Variants in TPST1 observed in about 807,000 individuals in gnomAD.
TPST1 encodes the protein protein-tyrosine sulfotransferase 1.
TPST1 carries 20 observed loss-of-function variants against 34.8 expected under a neutral mutation model. The observed-to-expected ratio is 0.57, with a 90% confidence interval of 0.40 to 0.84. The LOEUF is 0.84. TPST1 is among the 40% of genes least tolerant of loss of function. The pLI is 0.00. For synonymous variants in TPST1, 152 were observed against 159.4 expected (o/e 0.95, Z 0.35); for missense variants, 353 against 455.5 (o/e 0.78, Z 2.05).
At chr7:66,282,885 C>G (rs1790960134) in intron 2 of TPST1, among the ~76,000 whole-genome samples, 1 of 152,188 alleles carries the variant, frequency 6.6e-6, no homozygotes, top group South Asian at 2.1e-4. Context: ...AAGTGCAACA[C>G]TGAGTAAACA....
chr7:66,216,358 A>T (rs1225846573), intron 1 of TPST1, among the ~76,000 whole-genome samples: 1 of 147,860 alleles, frequency 6.8e-6, no homozygotes, highest in Non-Finnish European at 1.5e-5. Context: ...TGATCTTTTC[A>T]AAGAACCAGT....
At chr7:66,228,564 G>A (rs1414286280) in intron 1 of TPST1, among the ~76,000 whole-genome samples, 1 of 152,064 alleles carries the variant, frequency 6.6e-6, no homozygotes, top group Non-Finnish European at 1.5e-5. Context: ...TGTATAAATG[G>A]TTGAAATGAA....
At chr7:66,322,129 T>C (rs1791769103) in intron 3 of TPST1, among the ~76,000 whole-genome samples, 2 of 152,244 alleles carry the variant, frequency 1.3e-5, no homozygotes, top group South Asian at 4.1e-4. Context: ...ATAAATCTTT[T>C]TTCCAATTCA....
At chr7:66,345,097 A>G (rs1230168311) in intron 3 of TPST1, among the ~76,000 whole-genome samples, 1 of 152,144 alleles carries the variant, frequency 6.6e-6, no homozygotes, top group East Asian at 1.9e-4. Flanking sequence ...AGAGGAAAAG[A>G]GAGAAAGGAA....
intron 1 of TPST1, among the ~76,000 whole-genome samples, chr7:66,235,278 C>T (rs1015753388): frequency 2.6e-5 from 4 of 151,658 alleles, no homozygotes; most frequent in East Asian, 1.9e-4. Flanking sequence ...CTCCGCCTCC[C>T]GGGTTCACGT....
intron 1 of TPST1, among the ~76,000 whole-genome samples, chr7:66,235,280 G>C (rs1789889085): frequency 6.6e-6 from 1 of 150,604 alleles, no homozygotes; most frequent in Non-Finnish European, 1.5e-5. Context: ...CCGCCTCCCG[G>C]GTTCACGTCA....
At chr7:66,259,982 A>G (rs1181061437) in intron 2 of TPST1, among the ~76,000 whole-genome samples, 2 of 152,132 alleles carry the variant, frequency 1.3e-5, no homozygotes, top group Non-Finnish European at 2.9e-5. Flanking sequence ...TGCCTTTTCC[A>G]GAATGTCATG....
At chr7:66,215,622 C>T (rs1050213876) in intron 1 of TPST1, among the ~76,000 whole-genome samples, 10 of 151,800 alleles carry the variant, frequency 6.6e-5, no homozygotes, top group Non-Finnish European at 8.8e-5. Flanking sequence ...GATCCGCCCG[C>T]GTCGGCCTCC....
intron 1 of TPST1, among the ~76,000 whole-genome samples, chr7:66,213,949 TTTAG>T (rs1049751138): frequency 2.0e-5 from 3 of 152,140 alleles, no homozygotes; most frequent in African/African-American, 7.2e-5. Context: ...AACTTTATGT[TTTAG>T]TAGACAGTCA....
intron 1 of TPST1, among the ~76,000 whole-genome samples, chr7:66,206,689 T>A (rs1005574338): frequency 4.6e-5 from 7 of 152,112 alleles, no homozygotes; most frequent in Non-Finnish European, 1.0e-4. Context: ...TGGGTAACTT[T>A]CTTTTTAGGA....
chr7:66,345,355 T>C (rs1045260233), intron 3 of TPST1, among the ~76,000 whole-genome samples: 8 of 151,114 alleles, frequency 5.3e-5, no homozygotes, highest in African/African-American at 1.9e-4. Context: ...AAATTAGGCC[T>C]GGTGGCAGGT....
At chr7:66,357,140 G>C (rs187028949) in intron 5 of TPST1, among the ~76,000 whole-genome samples, 59 of 152,158 alleles carry the variant, frequency 3.9e-4, no homozygotes, top group African/African-American at 1.4e-3. Context: ...GCGCACAATA[G>C]TATTGTTATT....
chr7:66,276,365 C>CATATATATATATATATAT lies in TPST1; in HGVS notation c.846-10130_846-10129insATATATATATATATATAT, dbSNP rs138862941. Among the ~76,000 whole-genome samples, 810 of 90,830 alleles carry CATATATATATATATATAT rather than the reference C, an allele frequency of 8.9e-3. 118 individuals are homozygous for CATATATATATATATATAT. Among genetic ancestry groups the CATATATATATATATATAT allele is most frequent in the African/African-American group, 0.037 (625 of 16,794 alleles). 59.6% of individuals were successfully genotyped at this position (90,830 alleles called of 152,430 possible). ...TTCTTCTTAAATTTTAAAAACATTT[C>CATATATATATATATATAT]ATATATATATATATATGTATTTTTT... On this transcript the variant is annotated intron_variant, in intron 2 of 5. Coordinates refer to ENST00000304842, the MANE Select transcript of TPST1 (RefSeq NM_003596.4).
rs776839729 is a variant in TPST1 at position 66,307,071 on chromosome 7, G to C, written c.1044+20362G>C. 2.0e-5 allele frequency among the ~76,000 whole-genome samples: 3 copies of C among 151,800 alleles called. No homozygotes were observed. In the East Asian group the frequency reaches 5.9e-4, roughly 30 times the overall value. ...AACTTTATAGTTGTAATTAGAGGGA[G>C]GAACAACTTTATGGGATGTAGGTGG... On this transcript the variant is annotated intron_variant, in intron 3 of 5. Transcript: ENST00000304842.
At chr7:66,344,897 A>T (rs921987289) in intron 3 of TPST1, among the ~76,000 whole-genome samples, 7 of 145,292 alleles carry the variant, frequency 4.8e-5, no homozygotes, top group Non-Finnish European at 1.1e-4. Context: ...CTAATTTTTT[A>T]TACTTTTTAG....
chr7:66,199,990 A>G, the TPST1 span, among the ~76,000 whole-genome samples: 1 of 150,258 alleles, frequency 6.7e-6, no homozygotes, highest in Non-Finnish European at 1.5e-5. Context: ...TCGGCCTCCC[A>G]AAGTGCTGGG....
At chr7:66,223,409 G>A (rs535258688) in intron 1 of TPST1, among the ~76,000 whole-genome samples, 2 of 142,926 alleles carry the variant, frequency 1.4e-5, no homozygotes, top group Non-Finnish European at 3.0e-5. Flanking sequence ...GCTGCAGTGA[G>A]CTATATGCCA....
rs184568829 is a variant in TPST1, at chr7:66,253,434, G to A, written c.845+12164G>A. Among the ~76,000 whole-genome samples, 162 of 148,948 alleles carry A rather than the reference G, an allele frequency of 1.1e-3. 5 individuals are homozygous for A. In the East Asian group the frequency reaches 0.031, roughly 28 times the overall value. ...TGCCCACGCTGGAGTGCAGTGGCAC[G>A]ATCTCAGCTCACTGCAACCTCCGCC... On this transcript the variant is annotated intron_variant, in intron 2 of 5. Coordinates refer to ENST00000304842, the MANE Select transcript of TPST1 (RefSeq NM_003596.4).
intron 2 of TPST1, among the ~76,000 whole-genome samples, chr7:66,258,762 C>T (rs1235975959): frequency 6.6e-6 from 1 of 152,190 alleles, no homozygotes; most frequent in Non-Finnish European, 1.5e-5. Flanking sequence ...TTCTTACGCT[C>T]CTTAGACCAC....
Sources: gnomAD v4.1 joint callset for allele counts (sites outside exome capture counted in the v4.1 genomes callset) on GRCh38, gnomAD v4.1.1 for gene constraint, MANE v1.5 for transcripts, NCBI Gene and HGNC (gene_info 2026-07-23, HGNC 2026-07-21) for gene names.